Variants in PRIMA1 observed in about 807,000 individuals in gnomAD.
The protein encoded by PRIMA1 is proline-rich membrane anchor 1.
A neutral mutation model predicts 17.5 loss-of-function variants in PRIMA1; 7 were observed. That is an observed-to-expected ratio of 0.40 (90% CI 0.23 to 0.75). PRIMA1 has a LOEUF of 0.75. PRIMA1 is among the 30% of genes least tolerant of loss of function. The probability of loss-of-function intolerance (pLI) is 0.37; values close to 1 mark genes in which losing one functional copy is unlikely to be tolerated. For synonymous variants in PRIMA1, 97 were observed against 77.9 expected, an observed-to-expected ratio of 1.25 and a Z score of -1.29; for missense variants, 200 against 201.8, an observed-to-expected ratio of 0.99 and a Z score of 0.05.
chr14:93,772,810 T>C (rs1408532730), intron 3 of PRIMA1, among the ~76,000 whole-genome samples: 1 of 152,198 alleles, frequency 6.6e-6, no homozygotes, highest in Non-Finnish European at 1.5e-5. Flanking sequence ...CCTCAGAGTG[T>C]CTAATCTGAT....
intron 4 of PRIMA1, among the ~76,000 whole-genome samples, chr14:93,730,878 A>G (rs1204321503): frequency 1.3e-5 from 2 of 152,094 alleles, no homozygotes; most frequent in African/African-American, 2.4e-5. Flanking sequence ...AGAGGGAGGG[A>G]GAGAGCTGAG....
intron 3 of PRIMA1, among the ~76,000 whole-genome samples, chr14:93,746,787 G>T (rs1009176039): frequency 2.6e-5 from 4 of 152,160 alleles, no homozygotes; most frequent in Non-Finnish European, 2.9e-5. Flanking sequence ...GTCTGGAAAT[G>T]CTCTCGAGGT....
intron 3 of PRIMA1, among the ~76,000 whole-genome samples, chr14:93,751,794 A>G (rs1275175890): frequency 6.6e-6 from 1 of 152,232 alleles, no homozygotes; most frequent in Non-Finnish European, 1.5e-5. Flanking sequence ...CTCTGGGACA[A>G]AACCATACGT....
chr14:93,747,979 G>C (rs553443183), intron 3 of PRIMA1, among the ~76,000 whole-genome samples: 13 of 150,812 alleles, frequency 8.6e-5, no homozygotes, highest in Non-Finnish European at 1.8e-4. Context: ...GTGTGAGTAT[G>C]AGTTGGGACT....
At chr14:93,757,308 C>T (rs2076297758) in intron 3 of PRIMA1, among the ~76,000 whole-genome samples, 1 of 152,182 alleles carries the variant, frequency 6.6e-6, no homozygotes, top group African/African-American at 2.4e-5. Context: ...CATCAGCCAC[C>T]ACCACCAGCT....
intron 3 of PRIMA1, among the ~76,000 whole-genome samples, chr14:93,774,319 T>C (rs1045609407): frequency 3.3e-5 from 5 of 152,102 alleles, no homozygotes; most frequent in Non-Finnish European, 5.9e-5. Flanking sequence ...GACAAGCGGG[T>C]CACCCTGAGG....
chr14:93,740,814 T>A (rs2076179921), intron 3 of PRIMA1, among the ~76,000 whole-genome samples: 1 of 152,220 alleles, frequency 6.6e-6, no homozygotes, highest in African/African-American at 2.4e-5. Flanking sequence ...GGCAGAATTG[T>A]CCCTTGAAAA....
At chr14:93,769,619 G>A (rs568849896) in intron 3 of PRIMA1, among the ~76,000 whole-genome samples, 20 of 152,310 alleles carry the variant, frequency 1.3e-4, no homozygotes, top group Admixed American at 8.5e-4. Context: ...GTTTCATAAG[G>A]AGCCTGTCGC....
At chr14:93,746,399 CTG>C (rs1343071869) in intron 3 of PRIMA1, among the ~76,000 whole-genome samples, 3 of 152,018 alleles carry the variant, frequency 2.0e-5, no homozygotes, top group Non-Finnish European at 4.4e-5. Flanking sequence ...GGAGCAAAGA[CTG>C]GAATTCGGCA....
chr14:93,753,767 G>T (rs1327647973), intron 3 of PRIMA1, among the ~76,000 whole-genome samples: 1 of 152,180 alleles, frequency 6.6e-6, no homozygotes, highest in Admixed American at 6.5e-5. Flanking sequence ...ATAATGGAAG[G>T]AAGGTGTAGG....
At position 93,787,798 on chromosome 14, in the gene PRIMA1, C is replaced by T. The variant is rs1447827661; in HGVS notation, c.-31-49G>A. 2.7e-6 allele frequency: 4 copies of T among 1,501,252 alleles called. No individual in the cohort carries two copies. In the African/African-American group the frequency reaches 5.5e-5, roughly 21 times the overall value. 93.0% of individuals were successfully genotyped at this position (1,501,252 alleles called of 1,614,324 possible). A position where few individuals can be genotyped will look rare whatever the true frequency, so the allele number is the denominator to read the frequency against. On this transcript the variant is annotated intron_variant, in intron 1 of 4. Transcript: ENST00000393140. Reference sequence around the variant, plus strand: ...TCAGGCGGACACCGCGCAGGCACTTCCGCCGCCGCGCACCAATATACCTCC... The same window carrying T: ...TCAGGCGGACACCGCGCAGGCACTTTCGCCGCCGCGCACCAATATACCTCC...
intron 2 of PRIMA1, among the ~76,000 whole-genome samples, chr14:93,782,748 C>G (rs368392819): frequency 5.9e-5 from 9 of 152,252 alleles, no homozygotes; most frequent in African/African-American, 2.2e-4. Flanking sequence ...CGTCCTTATG[C>G]CTGACGGCTG....
intron 3 of PRIMA1, among the ~76,000 whole-genome samples, chr14:93,764,574 T>C (rs748949275): frequency 1.3e-5 from 2 of 152,320 alleles, no homozygotes; most frequent in Non-Finnish European, 2.9e-5. Context: ...AATGTAGTGC[T>C]TGGCACACTC....
chr14:93,773,279 T>A (rs6575356), intron 3 of PRIMA1, among the ~76,000 whole-genome samples: 120,229 of 152,156 alleles, frequency 0.79, 48,327 homozygotes, highest in Middle Eastern at 0.92. Flanking sequence ...CTCTGAGAGG[T>A]TGTGACATGG....
intron 3 of PRIMA1, among the ~76,000 whole-genome samples, chr14:93,761,458 C>T (rs1179697864): frequency 2.6e-5 from 4 of 152,208 alleles, no homozygotes; most frequent in Admixed American, 2.0e-4. Flanking sequence ...CACTGTCCCT[C>T]GTGGTCACTG....
In PRIMA1 at chr14:93,721,504, C is replaced by A; in HGVS notation, c.402G>T (p.Glu134Asp). ...TGCTCTGCGAAGCACTCATGGGATA[C>A]TCAGCAACGCTGGTGCCATTTTCGT... ...RKDENGTSVA[E>D]YPMSASQSNK... Residue 134 changes from glutamate to aspartate, a missense_variant, in exon 5 of 5, where the codon GAG becomes GAT. Physicochemically the swap from Glu to Asp is conservative, Grantham distance 45. Coordinates refer to ENST00000393140, the MANE Select transcript of PRIMA1 (RefSeq NM_178013.4). 1 of 1,613,952 alleles carries A rather than the reference C, an allele frequency of 6.2e-7. No homozygotes were observed. The highest frequency in any genetic ancestry group is 8.5e-7 in the Non-Finnish European group (1 of 1,179,936).
intron 3 of PRIMA1, among the ~76,000 whole-genome samples, chr14:93,764,633 A>G (rs1241722678): frequency 6.6e-6 from 1 of 152,154 alleles, no homozygotes; most frequent in East Asian, 1.9e-4. Context: ...TGAGTGATTT[A>G]CTGCTCCTTA....
intron 3 of PRIMA1, 30 bp downstream of exon 3, chr14:93,779,146 A>G (rs764343005): frequency 2.4e-5 from 33 of 1,395,078 alleles, no homozygotes. Flanking sequence ...CACAAAGAGA[A>G]ACCCGAAAAT....
At chr14:93,731,009 G>A (rs2076110553) in intron 4 of PRIMA1, among the ~76,000 whole-genome samples, 1 of 152,148 alleles carries the variant, frequency 6.6e-6, no homozygotes, top group Non-Finnish European at 1.5e-5. Flanking sequence ...CACCTGGAGA[G>A]GAGCATGGAG....
Sources: allele counts gnomAD v4.1 joint callset (sites outside exome capture counted in the v4.1 genomes callset), GRCh38; gene constraint gnomAD v4.1.1; transcripts MANE v1.5; gene names NCBI Gene and HGNC (gene_info 2026-07-23, HGNC 2026-07-21).